The following BBS9 variants were observed in gnomAD, a reference collection of about 807,000 sequenced individuals.
BBS9 encodes Bardet-Biedl syndrome 9, also known as protein PTHB1.
A neutral mutation model predicts 117.7 loss-of-function variants in BBS9; 89 were observed. The observed-to-expected ratio is 0.76, with a 90% CI of 0.64 to 0.90. BBS9 has a LOEUF of 0.90. Among genes scored for constraint, BBS9 ranks in the 40% least tolerant of loss-of-function variants. The probability of loss-of-function intolerance (pLI) is 0.00; values close to 1 mark genes in which losing one functional copy is unlikely to be tolerated. For synonymous variants in BBS9, 379 were observed against 370.9 expected, an observed-to-expected ratio of 1.02 and a Z score of -0.25; for missense variants, 982 against 1,042.2, an observed-to-expected ratio of 0.94 and a Z score of 0.80.
intron 19 of BBS9, among the ~76,000 whole-genome samples, chr7:33,501,552 C>T (rs1014549435): frequency 7.2e-5 from 11 of 152,218 alleles, no homozygotes; most frequent in African/African-American, 2.7e-4. Context: ...GATCCTGTGG[C>T]TTGGACTGCT....
At chr7:33,571,935 A>G (rs1237332119) in intron 21 of BBS9, among the ~76,000 whole-genome samples, 1 of 152,104 alleles carries the variant, frequency 6.6e-6, no homozygotes, top group Non-Finnish European at 1.5e-5. Context: ...TCTTTGTGTT[A>G]GGAACATATC....
At chr7:33,512,813 A>G (rs1847165014) in intron 20 of BBS9, among the ~76,000 whole-genome samples, 1 of 152,184 alleles carries the variant, frequency 6.6e-6, no homozygotes, top group Admixed American at 6.5e-5. Flanking sequence ...CTCCGTGTTC[A>G]GTTCATCTCC....
At chr7:33,593,652 G>A (rs1452130968) in intron 21 of BBS9, among the ~76,000 whole-genome samples, 5 of 152,068 alleles carry the variant, frequency 3.3e-5, no homozygotes, top group African/African-American at 1.2e-4. Flanking sequence ...GAGTTTTGTT[G>A]TATCATAACT....
At chr7:33,528,592 A>G (rs2129052972) in intron 20 of BBS9, among the ~76,000 whole-genome samples, 1 of 152,340 alleles carries the variant, frequency 6.6e-6, no homozygotes, top group South Asian at 2.1e-4. Flanking sequence ...GTAGGATTGA[A>G]TATATTTTCT....
At chr7:33,439,312 T>TA (rs1180445525) in intron 19 of BBS9, among the ~76,000 whole-genome samples, 3 of 152,194 alleles carry the variant, frequency 2.0e-5, no homozygotes, top group African/African-American at 4.8e-5. Context: ...TGTGAGCTCT[T>TA]ACTACTTTTT....
At chr7:33,204,058 G>A (rs1786436327) in intron 5 of BBS9, among the ~76,000 whole-genome samples, 1 of 149,552 alleles carries the variant, frequency 6.7e-6, no homozygotes, top group African/African-American at 2.5e-5. Context: ...CCACATGTAC[G>A]TTTGTGTCAG....
chr7:33,332,764 T>A (rs1055965970), intron 9 of BBS9, among the ~76,000 whole-genome samples: 1 of 152,152 alleles, frequency 6.6e-6, no homozygotes, highest in African/African-American at 2.4e-5. Flanking sequence ...ACAAATTACA[T>A]ACTATATTAT....
At chr7:33,556,323 A>G (rs369835597) in intron 21 of BBS9, among the ~76,000 whole-genome samples, 26 of 152,298 alleles carry the variant, frequency 1.7e-4, no homozygotes, top group Admixed American at 6.5e-4. Flanking sequence ...TTATTTAACC[A>G]CGCCTCAAGT....
chr7:33,350,818 A>G (rs1327716383), intron 13 of BBS9, among the ~76,000 whole-genome samples: 1 of 152,166 alleles, frequency 6.6e-6, no homozygotes. Context: ...ATCTCGGTTC[A>G]CTGCAAACTC....
chr7:33,349,235 C>A, intron 13 of BBS9, 65 bp downstream of exon 13: 1 of 1,078,564 alleles, frequency 9.3e-7, no homozygotes, highest in Non-Finnish European at 1.4e-6. Context: ...CTAGTTTGTT[C>A]ATTTAATGGC....
intron 17 of BBS9, among the ~76,000 whole-genome samples, chr7:33,382,627 G>A (rs1162176876): frequency 6.6e-6 from 1 of 152,142 alleles, no homozygotes; most frequent in Non-Finnish European, 1.5e-5. Flanking sequence ...AGGCAGTTAA[G>A]ATTAATATCT....
At chr7:33,407,538 C>T (rs575974413) in intron 19 of BBS9, among the ~76,000 whole-genome samples, 38 of 151,778 alleles carry the variant, frequency 2.5e-4, no homozygotes, top group East Asian at 2.3e-3. Flanking sequence ...AGTTTTTCTG[C>T]TCTGTTTTTT....
intron 19 of BBS9, among the ~76,000 whole-genome samples, chr7:33,464,770 T>C (rs1487652714): frequency 6.6e-6 from 1 of 152,030 alleles, no homozygotes; most frequent in Admixed American, 6.6e-5. Flanking sequence ...TACATAACTA[T>C]TATTATAATG....
chr7:33,138,160 G>A (rs1473982824), intron 1 of BBS9, among the ~76,000 whole-genome samples: 1 of 152,216 alleles, frequency 6.6e-6, no homozygotes, highest in Non-Finnish European at 1.5e-5. Flanking sequence ...GAGAGAGTAT[G>A]CAGAAGCAAG....
At chr7:33,410,670 A>G (rs1323895119) in intron 19 of BBS9, among the ~76,000 whole-genome samples, 3 of 152,132 alleles carry the variant, frequency 2.0e-5, no homozygotes, top group Admixed American at 6.5e-5. Flanking sequence ...CTTTAAGATC[A>G]ACCCTTCCCT....
At chr7:33,215,657 AG>A (rs1223815749) in intron 5 of BBS9, among the ~76,000 whole-genome samples, 1 of 152,162 alleles carries the variant, frequency 6.6e-6, no homozygotes, top group African/African-American at 2.4e-5. Context: ...ACACACACAC[AG>A]GAATATTATT....
chr7:33,526,901 G>T (rs1270142558), intron 20 of BBS9, among the ~76,000 whole-genome samples: 1 of 149,660 alleles, frequency 6.7e-6, no homozygotes, highest in Non-Finnish European at 1.5e-5. Flanking sequence ...GGTCTTTGAT[G>T]ATGGTGATGT....
At chr7:33,260,716 A>C (rs2128318686) in intron 6 of BBS9, among the ~76,000 whole-genome samples, 1 of 152,370 alleles carries the variant, frequency 6.6e-6, no homozygotes, top group East Asian at 1.9e-4. Context: ...GAAGTCAGTC[A>C]GCTACTTCAG....
At chr7:33,543,252 A>G (rs981188791) in intron 21 of BBS9, among the ~76,000 whole-genome samples, 4 of 149,686 alleles carry the variant, frequency 2.7e-5, no homozygotes, top group Non-Finnish European at 5.9e-5. Flanking sequence ...GGCCATTTGT[A>G]TATCTTTTTT....
Sources: allele counts gnomAD v4.1 joint callset (sites outside exome capture counted in the v4.1 genomes callset), GRCh38; gene constraint gnomAD v4.1.1; transcripts MANE v1.5; gene names NCBI Gene and HGNC (gene_info 2026-07-23, HGNC 2026-07-21).